The following CLASP1 variants were observed in gnomAD, a reference collection of about 807,000 sequenced individuals.
CLASP1 encodes cytoplasmic linker associated protein 1, also known as CLIP-associating protein 1.
A neutral mutation model predicts 192.3 loss-of-function variants in CLASP1; 38 were observed. The observed-to-expected ratio is 0.20, with a 90% CI of 0.15 to 0.26. The LOEUF is 0.26. Ranked by LOEUF, CLASP1 falls within the 10% of genes least tolerant of loss-of-function variation. CLASP1 has a pLI of 1.00. For synonymous variants in CLASP1, 691 were observed against 712.8 expected, an observed-to-expected ratio of 0.97 and a Z score of 0.49; for missense variants, 1,433 against 1,932.5, an observed-to-expected ratio of 0.74 and a Z score of 4.85.
intron 32 of CLASP1, among the ~76,000 whole-genome samples, chr2:121,383,664 G>T (rs2072325927): frequency 6.6e-6 from 1 of 151,926 alleles, no homozygotes; most frequent in South Asian, 2.1e-4. Flanking sequence ...AGAACATATG[G>T]CAGACCAGAG....
chr2:121,512,956 T>C (rs1234280158), intron 7 of CLASP1: 1 of 152,234 alleles, frequency 6.6e-6, no homozygotes, highest in Non-Finnish European at 1.5e-5. Flanking sequence ...CTATGGAAGC[T>C]TGCTAAGTTG....
At chr2:121,418,903 G>A (rs563150276) in intron 22 of CLASP1, among the ~76,000 whole-genome samples, 174 bp from the exon 23 acceptor site, 4 of 152,208 alleles carry the variant, frequency 2.6e-5, no homozygotes, top group African/African-American at 4.8e-5. Flanking sequence ...ACGTGCCAAC[G>A]GGGGAGGGTT....
At chr2:121,578,855 A>AC (rs1491326033) in intron 2 of CLASP1, among the ~76,000 whole-genome samples, 1 of 151,576 alleles carries the variant, frequency 6.6e-6, no homozygotes, top group East Asian at 1.9e-4. Flanking sequence ...ACACACACAC[A>AC]AAAAAAAACT....
intron 1 of CLASP1, among the ~76,000 whole-genome samples, chr2:121,617,114 C>T (rs1384574492): frequency 2.0e-5 from 3 of 152,160 alleles, no homozygotes; most frequent in Non-Finnish European, 4.4e-5. Context: ...AGCTCAGCAC[C>T]GGGGCAGCCC....
rs1386761707 is a variant in CLASP1, at chr2:121,528,790, A to G, written c.275-10T>C. 1.2e-6 allele frequency: 2 copies of G among 1,605,162 alleles called. No homozygotes were observed. The highest frequency in any genetic ancestry group is 1.7e-6 in the Non-Finnish European group (2 of 1,171,812). ...ATTAGACTTGGCAGCACTGAAAATCAAAATGGAAACTGATCAAATGAAACC... is the reference window on the plus strand; with the variant it reads ...ATTAGACTTGGCAGCACTGAAAATCGAAATGGAAACTGATCAAATGAAACC... On this transcript the variant is annotated splice_polypyrimidine_tract_variant and intron_variant, in intron 3 of 39. Transcript: ENST00000263710.
chr2:121,586,207 A>G (rs1337509702), intron 2 of CLASP1, among the ~76,000 whole-genome samples: 1 of 152,016 alleles, frequency 6.6e-6, no homozygotes, highest in Admixed American at 6.6e-5. Flanking sequence ...GGCTCACTGC[A>G]ACCTCAGCCT....
At chr2:121,639,203 G>A (rs988296267) in intron 1 of CLASP1, among the ~76,000 whole-genome samples, 1 of 152,048 alleles carries the variant, frequency 6.6e-6, no homozygotes, top group Non-Finnish European at 1.5e-5. Flanking sequence ...CGTGAACCCG[G>A]GAGGCAGAGC....
At chr2:121,373,409 GAACT>G (rs1451042659) in intron 34 of CLASP1, among the ~76,000 whole-genome samples, 1 of 152,094 alleles carries the variant, frequency 6.6e-6, no homozygotes, top group East Asian at 1.9e-4. Context: ...AGCAGTGTGA[GAACT>G]AACTAATATA....
intron 19 of CLASP1, among the ~76,000 whole-genome samples, chr2:121,442,312 T>A (rs896869424): frequency 4.6e-5 from 7 of 152,182 alleles, no homozygotes; most frequent in African/African-American, 1.7e-4. Context: ...TAAACTTTCA[T>A]CCAAAAGTTT....
At chr2:121,396,066 A>G (rs1329730297) in intron 30 of CLASP1, among the ~76,000 whole-genome samples, 2 of 152,236 alleles carry the variant, frequency 1.3e-5, no homozygotes, top group East Asian at 1.9e-4. Context: ...GCTCTGCCCT[A>G]TATCAATTAA....
chr2:121,632,419 T>G (rs1374365083), intron 1 of CLASP1, among the ~76,000 whole-genome samples: 3 of 152,198 alleles, frequency 2.0e-5, no homozygotes, highest in Non-Finnish European at 4.4e-5. Flanking sequence ...AATTATTCTT[T>G]GCAGCATTGT....
chr2:121,498,675 C>G (rs1386205848), intron 8 of CLASP1, among the ~76,000 whole-genome samples: 12 of 152,170 alleles, frequency 7.9e-5, no homozygotes. Flanking sequence ...TGGTAAGAGT[C>G]TGGTATGTAG....
intron 7 of CLASP1, among the ~76,000 whole-genome samples, chr2:121,511,878 G>A (rs1283260697): frequency 6.6e-6 from 1 of 152,136 alleles, no homozygotes; most frequent in African/African-American, 2.4e-5. Context: ...AATAAGTGAT[G>A]TCTCAGAGCA....
chr2:121,578,380 C>A (rs895932450), intron 2 of CLASP1, among the ~76,000 whole-genome samples: 1 of 141,354 alleles, frequency 7.1e-6, no homozygotes, highest in Admixed American at 7.5e-5. Flanking sequence ...TATGATTACA[C>A]CACTGCACTC....
chr2:121,633,911 G>T (rs930149357), intron 1 of CLASP1, among the ~76,000 whole-genome samples: 3 of 151,936 alleles, frequency 2.0e-5, no homozygotes, highest in African/African-American at 7.3e-5. Flanking sequence ...GTAGGCTGAG[G>T]CAGGAGAATG....
At position 121,425,894 on chromosome 2, in the gene CLASP1, C is replaced by T. The variant is rs375705274; in HGVS notation, c.2045-588G>A. 2.0e-4 allele frequency among the ~76,000 whole-genome samples: 31 copies of T among 152,174 alleles called. No homozygotes were observed. In the East Asian group the frequency reaches 4.8e-3, roughly 24 times the overall value. ...GGGCTGGTAGCTCATGTCTGTAGTC[C>T]CAGCACTTTGGGAGGCCAAGGTGGG... On this transcript the variant is annotated intron_variant, in intron 21 of 39. Coordinates refer to ENST00000263710, the Ensembl canonical transcript of CLASP1.
chr2:121,491,520 C>A (rs904222113), intron 8 of CLASP1, among the ~76,000 whole-genome samples: 3 of 152,138 alleles, frequency 2.0e-5, no homozygotes, highest in Non-Finnish European at 4.4e-5. Context: ...TTCTGAAAAT[C>A]CAATTCTCCC....
chr2:121,563,860 T>C (rs2059295762), intron 2 of CLASP1, among the ~76,000 whole-genome samples: 1 of 152,220 alleles, frequency 6.6e-6, no homozygotes, highest in Non-Finnish European at 1.5e-5. Flanking sequence ...CTGGGCAATT[T>C]ACAAAAGAAA....
intron 10 of CLASP1, among the ~76,000 whole-genome samples, chr2:121,462,236 T>A (rs1182469305): frequency 6.6e-6 from 1 of 151,894 alleles, no homozygotes. Context: ...AATCCCTAAA[T>A]AAATATACTT....
Sources: gnomAD v4.1 joint callset for allele counts (sites outside exome capture counted in the v4.1 genomes callset) on GRCh38, gnomAD v4.1.1 for gene constraint, MANE v1.5 for transcripts, NCBI Gene and HGNC (gene_info 2026-07-23, HGNC 2026-07-21) for gene names.